The following TBC1D14 variants were observed in gnomAD, a reference collection of about 807,000 sequenced individuals.
TBC1D14 encodes TBC1 domain family, member 14.
TBC1D14 carries 26 observed loss-of-function variants against 79.0 expected under a neutral mutation model. That is an observed-to-expected ratio of 0.33 (90% CI 0.24 to 0.46). TBC1D14 has a LOEUF of 0.46. Among genes scored for constraint, TBC1D14 ranks in the 20% least tolerant of loss-of-function variants. The probability of loss-of-function intolerance (pLI) is 1.00; values close to 1 mark genes in which losing one functional copy is unlikely to be tolerated. For synonymous variants in TBC1D14, 394 were observed against 349.9 expected, an observed-to-expected ratio of 1.13 and a Z score of -1.40; for missense variants, 769 against 887.6, an observed-to-expected ratio of 0.87 and a Z score of 1.70.
chr4:6,999,290 T>G (rs975349624), intron 6 of TBC1D14, 88 bp downstream of exon 6: 1 of 1,175,440 alleles, frequency 8.5e-7, no homozygotes, highest in African/African-American at 1.5e-5. Flanking sequence ...TAGCCAGCAG[T>G]GACACCCTGG....
intron 3 of TBC1D14, among the ~76,000 whole-genome samples, chr4:6,993,438 T>TGTGG (rs1282631467): frequency 6.6e-6 from 1 of 152,152 alleles, no homozygotes; most frequent in Non-Finnish European, 1.5e-5. Context: ...GACCCAGTGA[T>TGTGG]GTGGAGGCTG....
intron 2 of TBC1D14, 62 bp downstream of exon 2, chr4:6,924,173 C>G: frequency 1.3e-6 from 2 of 1,526,692 alleles, no homozygotes; most frequent in East Asian, 4.6e-5. Context: ...TCTCCTTGTT[C>G]CTGTCTCAAA....
rs138192346 is a variant in TBC1D14, at chr4:6,948,968, C to T, written c.723-18336C>T. Among the ~76,000 whole-genome samples the T allele has an allele frequency of 3.0e-3, 455 of 151,750 alleles. 2 individuals are homozygous for T. The highest frequency in any genetic ancestry group is 4.5e-3 in the Non-Finnish European group (308 of 67,918). On this transcript the variant is annotated intron_variant, in intron 2 of 13. Coordinates refer to ENST00000409757, the MANE Select transcript of TBC1D14 (RefSeq NM_020773.3). ...ATCCCTGCACTTTGGGAGGCCGAGG[C>T]GGGTGGATCACCTGGCCAACATGGT...
chr4:7,015,318 T>G (rs1368337735), intron 12 of TBC1D14, among the ~76,000 whole-genome samples: 1 of 151,812 alleles, frequency 6.6e-6, no homozygotes, highest in Non-Finnish European at 1.5e-5. Context: ...GAAGGCCCCG[T>G]GGAAATATTG....
chr4:7,008,416 ATT>A (rs1478169839), intron 9 of TBC1D14, among the ~76,000 whole-genome samples: 1 of 152,068 alleles, frequency 6.6e-6, no homozygotes, highest in Non-Finnish European at 1.5e-5. Flanking sequence ...GTCATTTATT[ATT>A]TTTTCTTTTT....
chr4:7,023,572 G>A (rs1040165196), intron 12 of TBC1D14, among the ~76,000 whole-genome samples: 2 of 152,226 alleles, frequency 1.3e-5, no homozygotes, highest in African/African-American at 2.4e-5. Flanking sequence ...CGGGCTGAAG[G>A]CTTGTGATTT....
Position 6,933,261 on chromosome 4 carries a change from CCCCTCCCTT to C in TBC1D14, c.722+9154_722+9162del, listed in dbSNP as rs1181628971. ...TACCTCCCCTCCCCTCCCCTCCCCT[CCCCTCCCTT>C]CCCCTCCCCCTTCCCCTTCCCCTTC... On this transcript the variant is annotated intron_variant, in intron 2 of 13. Transcript: ENST00000409757. Among the ~76,000 whole-genome samples, 69 of 15,178 alleles carry C rather than the reference CCCCTCCCTT, an allele frequency of 4.5e-3. 11 individuals are homozygous for C. The highest frequency in any genetic ancestry group is 0.02 in the South Asian group (2 of 102). 10.0% of individuals were successfully genotyped at this position (15,178 alleles called of 152,430 possible).
At chr4:7,001,325 G>T in intron 7 of TBC1D14, 74 bp downstream of exon 7, 1 of 1,284,180 alleles carries the variant, frequency 7.8e-7, no homozygotes, top group Non-Finnish European at 1.1e-6. Context: ...TGCCCTGTTG[G>T]AAAGAATGGC....
intron 1 of TBC1D14, among the ~76,000 whole-genome samples, chr4:6,921,394 C>T (rs1723846643): frequency 6.6e-6 from 1 of 152,058 alleles, no homozygotes; most frequent in Non-Finnish European, 1.5e-5. Flanking sequence ...TTTTTAAAGA[C>T]AGAGTCTCCC....
At chr4:6,991,788 C>A (rs1464058283) in intron 3 of TBC1D14, among the ~76,000 whole-genome samples, 1 of 152,166 alleles carries the variant, frequency 6.6e-6, no homozygotes, top group Non-Finnish European at 1.5e-5. Context: ...CCAGTGTGCA[C>A]GCGTAAAGCA....
chr4:6,912,199 G>A (rs901533040), intron 1 of TBC1D14, among the ~76,000 whole-genome samples: 1 of 151,900 alleles, frequency 6.6e-6, no homozygotes, highest in Non-Finnish European at 1.5e-5. Context: ...GACCATCCTG[G>A]CCAACATGGT....
At chr4:7,002,617 C>G (rs545526869) in intron 7 of TBC1D14, among the ~76,000 whole-genome samples, 1 of 152,292 alleles carries the variant, frequency 6.6e-6, no homozygotes, top group East Asian at 1.9e-4. Context: ...CAGTGGCCCC[C>G]GCTAGCACTG....
intron 2 of TBC1D14, among the ~76,000 whole-genome samples, chr4:6,946,168 A>G (rs906371867): frequency 7.9e-5 from 12 of 152,182 alleles, no homozygotes; most frequent in African/African-American, 2.7e-4. Flanking sequence ...ATCAGGAACT[A>G]TATTCCCAGT....
intron 2 of TBC1D14, among the ~76,000 whole-genome samples, chr4:6,927,809 C>T (rs1225320781): frequency 1.3e-5 from 2 of 152,184 alleles, no homozygotes; most frequent in African/African-American, 4.8e-5. Flanking sequence ...ATCACCCAGC[C>T]TTTGAGAATA....
chr4:7,019,631 T>G (rs939490949), intron 12 of TBC1D14, among the ~76,000 whole-genome samples: 4 of 152,232 alleles, frequency 2.6e-5, no homozygotes, highest in African/African-American at 4.8e-5. Context: ...CATGCGGTGC[T>G]CATGATGTTT....
chr4:7,019,775 TG>T, intron 12 of TBC1D14, among the ~76,000 whole-genome samples: 1 of 107,926 alleles, frequency 9.3e-6, no homozygotes, highest in Non-Finnish European at 1.9e-5. Flanking sequence ...GGGAGGACTC[TG>T]GGGCACAGAG....
chr4:6,994,090 A>G, intron 3 of TBC1D14, 94 bp from the exon 4 acceptor site: 3 of 1,148,180 alleles, frequency 2.6e-6, no homozygotes, highest in Non-Finnish European at 3.9e-6. Flanking sequence ...AAATTGGCTT[A>G]AAAGAGTTTC....
intron 2 of TBC1D14, among the ~76,000 whole-genome samples, chr4:6,963,594 C>A (rs1715442352): frequency 6.6e-6 from 1 of 152,212 alleles, no homozygotes. Flanking sequence ...GCCAGGACTC[C>A]CGATGGCTTG....
At chr4:6,968,012 AGCAAGTCCACGGCCCAGGT>A (rs1228847885) in intron 3 of TBC1D14, among the ~76,000 whole-genome samples, 2 of 152,194 alleles carry the variant, frequency 1.3e-5, no homozygotes, top group Non-Finnish European at 2.9e-5. Context: ...GCACGGACAC[AGCAAGTCCACGGCCCAGGT>A]AGCTGTGACC....
Sources: allele counts gnomAD v4.1 joint callset (sites outside exome capture counted in the v4.1 genomes callset), GRCh38; gene constraint gnomAD v4.1.1; transcripts MANE v1.5; gene names NCBI Gene and HGNC (gene_info 2026-07-23, HGNC 2026-07-21).